Variants in FAF1 observed in about 807,000 individuals in gnomAD.
The protein encoded by FAF1 is FAS-associated factor 1.
In FAF1, 25 loss-of-function variants were observed where a neutral mutation model predicts 92.5. The observed-to-expected ratio is 0.27, with a 90% CI of 0.20 to 0.38. FAF1 has a LOEUF of 0.38. FAF1 is among the 10% of genes least tolerant of loss of function. FAF1 has a pLI of 1.00. For missense variants in FAF1, 636 were observed against 793.3 expected (o/e 0.80, Z 2.38); for synonymous variants, 234 against 273.2 (o/e 0.86, Z 1.42).
chr1:50,570,372 T>G (rs1220120747), intron 12 of FAF1, among the ~76,000 whole-genome samples: 1 of 152,212 alleles, frequency 6.6e-6, no homozygotes, highest in Non-Finnish European at 1.5e-5. Context: ...CCTTAATCTT[T>G]CCTTTGTGGT....
At chr1:50,631,000 A>G (rs748206747) in intron 8 of FAF1, among the ~76,000 whole-genome samples, 2 of 151,504 alleles carry the variant, frequency 1.3e-5, no homozygotes, top group Non-Finnish European at 2.9e-5. Context: ...ATGGGGTTTC[A>G]CCATCTTGGC....
chr1:50,522,327 G>T (rs1647543899), intron 15 of FAF1, among the ~76,000 whole-genome samples: 1 of 152,132 alleles, frequency 6.6e-6, no homozygotes, highest in South Asian at 2.1e-4. Flanking sequence ...TTACACAGTT[G>T]TATTACCTTG....
chr1:50,653,849 G>A (rs539002608), intron 8 of FAF1, among the ~76,000 whole-genome samples: 5 of 152,084 alleles, frequency 3.3e-5, no homozygotes, highest in African/African-American at 4.8e-5. Flanking sequence ...CAGACTGGGC[G>A]ATAGAGCAAG....
chr1:50,520,617 C>A (rs1483647800), intron 15 of FAF1, among the ~76,000 whole-genome samples: 1 of 152,128 alleles, frequency 6.6e-6, no homozygotes, highest in African/African-American at 2.4e-5. Context: ...GAGGCTGAGG[C>A]AGGTGGATCA....
At chr1:50,878,050 A>G (rs922454807) in intron 1 of FAF1, among the ~76,000 whole-genome samples, 24 of 152,210 alleles carry the variant, frequency 1.6e-4, no homozygotes, top group Admixed American at 1.2e-3. Context: ...TGTAGTACCA[A>G]TTAGCTTTCC....
At chr1:50,766,855 G>T (rs1239484381) in intron 4 of FAF1, among the ~76,000 whole-genome samples, 2 of 146,794 alleles carry the variant, frequency 1.4e-5, no homozygotes, top group African/African-American at 2.5e-5. Context: ...TGAATGCTCA[G>T]CTCATACAGA....
At chr1:50,490,491 AAAGGAAGGAAGGAAGG>A (rs57779128) in intron 17 of FAF1, 81 bp downstream of exon 17, 3 of 559,306 alleles carry the variant, frequency 5.4e-6, no homozygotes, top group Non-Finnish European at 9.5e-6. Flanking sequence ...GGAAGGAAGG[AAAGGAAGGAAGGAAGG>A]AAGGAAGGAA....
At chr1:50,649,342 GGTTTCTCCATGTTGGTC>G (rs1276441466) in intron 8 of FAF1, among the ~76,000 whole-genome samples, 4 of 151,052 alleles carry the variant, frequency 2.6e-5, no homozygotes, top group Non-Finnish European at 5.9e-5. Flanking sequence ...GTAGAGATGG[GGTTTCTCCATGTTGGTC>G]AGGATGGTCT....
intron 8 of FAF1, among the ~76,000 whole-genome samples, chr1:50,631,102 C>T (rs1048508488): frequency 6.6e-6 from 1 of 151,972 alleles, no homozygotes; most frequent in Non-Finnish European, 1.5e-5. Context: ...TATTTTCATT[C>T]TCCTACCATT....
In FAF1 at chr1:50,632,898, T is replaced by C. The variant is rs916476108; in HGVS notation, c.744+22544A>G. ...CCAGGTAAAATTCTATTTTCTCTAG[T>C]TATTTCTCGAACTGCTTTCCTTCTC... On this transcript the variant is annotated intron_variant, in intron 8 of 18. Transcript: ENST00000396153. Among the ~76,000 whole-genome samples, 5 of 152,188 alleles carry C rather than the reference T, an allele frequency of 3.3e-5. No individual in the cohort carries two copies. The East Asian group carries it at 9.6e-4, about 29-fold the overall frequency.
chr1:50,564,767 T>C (rs892265907), intron 13 of FAF1, among the ~76,000 whole-genome samples: 5 of 152,100 alleles, frequency 3.3e-5, no homozygotes, highest in Non-Finnish European at 7.4e-5. Context: ...TGTGGTTAAG[T>C]TAAACCCTTT....
intron 2 of FAF1, among the ~76,000 whole-genome samples, chr1:50,814,497 T>TGGCTGTATC (rs1461587257): frequency 5.9e-5 from 9 of 152,152 alleles, no homozygotes; most frequent in Non-Finnish European, 1.5e-5. Flanking sequence ...TACAGATACA[T>TGGCTGTATC]TCATCTACAT....
At chr1:50,553,892 A>G (rs993295663) in intron 13 of FAF1, among the ~76,000 whole-genome samples, 1 of 152,024 alleles carries the variant, frequency 6.6e-6, no homozygotes, top group Admixed American at 6.6e-5. Flanking sequence ...TCCAGTTTTC[A>G]GAGCAGCTAA....
At chr1:50,591,107 T>G (rs976363863) in intron 9 of FAF1, among the ~76,000 whole-genome samples, 2 of 152,226 alleles carry the variant, frequency 1.3e-5, no homozygotes, top group Non-Finnish European at 2.9e-5. Context: ...TGTCTTTCAT[T>G]ATGTTGAAGT....
At chr1:50,574,898 C>CTTTTTTT (rs891527014) in intron 12 of FAF1, among the ~76,000 whole-genome samples, 2 of 71,400 alleles carry the variant, frequency 2.8e-5, no homozygotes, top group Non-Finnish European at 2.8e-5. Flanking sequence ...TGTATTAACT[C>CTTTTTTT]TTTTTTTTTT....
chr1:50,862,144 C>G (rs1405139507), intron 1 of FAF1, among the ~76,000 whole-genome samples: 1 of 151,116 alleles, frequency 6.6e-6, no homozygotes, highest in East Asian at 1.9e-4. Context: ...AATCTAACTT[C>G]CAGAGATATC....
At chr1:50,826,432 C>G (rs746956057) in intron 2 of FAF1, among the ~76,000 whole-genome samples, 30 of 152,068 alleles carry the variant, frequency 2.0e-4, no homozygotes, top group Non-Finnish European at 3.1e-4. Context: ...CACCTGTCAT[C>G]CCAGCTACTC....
intron 15 of FAF1, among the ~76,000 whole-genome samples, chr1:50,513,673 T>G (rs578258264): frequency 6.6e-6 from 1 of 152,350 alleles, no homozygotes; most frequent in Middle Eastern, 3.4e-3. Flanking sequence ...AATATCCTCC[T>G]ACCTATATTT....
chr1:50,706,225 G>C (rs1247222696), intron 6 of FAF1, among the ~76,000 whole-genome samples: 4 of 152,108 alleles, frequency 2.6e-5, no homozygotes, highest in Non-Finnish European at 4.4e-5. Context: ...CTCCAAATAT[G>C]CTACTAAAAT....
Sources: allele counts gnomAD v4.1 joint callset (sites outside exome capture counted in the v4.1 genomes callset), GRCh38; gene constraint gnomAD v4.1.1; transcripts MANE v1.5; gene names NCBI Gene and HGNC (gene_info 2026-07-23, HGNC 2026-07-21).